C4orf17: variants seen among roughly 807,000 people sequenced by gnomAD.
C4orf17 encodes the protein chromosome 4 open reading frame 17.
Under a neutral mutation model 32.0 loss-of-function variants are expected in C4orf17, and 25 were observed. That is an observed-to-expected ratio of 0.78 (90% CI 0.57 to 1.09). The LOEUF (loss-of-function observed/expected upper bound fraction) is 1.09, where lower values mean the gene tolerates loss of function less well. Ranked by LOEUF, C4orf17 falls within the 50% of genes least tolerant of loss-of-function variation. C4orf17 has a pLI of 0.00. For synonymous variants in C4orf17, 149 were observed against 145.8 expected, an observed-to-expected ratio of 1.02 and a Z score of -0.16; for missense variants, 420 against 420.0, an observed-to-expected ratio of 1.00 and a Z score of 0.00.
chr4:99,517,530 C>A (rs986401489), intron 2 of C4orf17, among the ~76,000 whole-genome samples: 1 of 151,830 alleles, frequency 6.6e-6, no homozygotes, highest in Non-Finnish European at 1.5e-5. Flanking sequence ...GCTAACCACC[C>A]CTCCCTTCCT....
chr4:99,524,128 C>T (rs971670855), intron 3 of C4orf17, among the ~76,000 whole-genome samples: 38 of 151,742 alleles, frequency 2.5e-4, no homozygotes, highest in African/African-American at 6.3e-4. Context: ...TACAGGCGCC[C>T]GCCACCACGC....
At chr4:99,528,803 A>G (rs918756786) in intron 4 of C4orf17, among the ~76,000 whole-genome samples, 1 of 152,184 alleles carries the variant, frequency 6.6e-6, no homozygotes, top group Non-Finnish European at 1.5e-5. Flanking sequence ...ACCTGACCCC[A>G]TGATTCAATT....
intron 4 of C4orf17, among the ~76,000 whole-genome samples, chr4:99,526,651 C>CTTTTTTTTTTT (rs145120945): frequency 3.6e-5 from 5 of 137,598 alleles, no homozygotes; most frequent in African/African-American, 5.2e-5. Context: ...CTTTTCTTTT[C>CTTTTTTTTTTT]TTTTTTTTTT....
chr4:99,525,329 T>C (rs1723368910), intron 4 of C4orf17, among the ~76,000 whole-genome samples: 2 of 152,232 alleles, frequency 1.3e-5, no homozygotes, highest in African/African-American at 2.4e-5. Context: ...TTCCCCAAGC[T>C]TAGAATGGTC....
At chr4:99,537,883 G>T (rs1723587446) in intron 6 of C4orf17, 133 bp downstream of exon 6, 1 of 696,120 alleles carries the variant, frequency 1.4e-6, no homozygotes, top group Admixed American at 2.1e-5. Context: ...CAATGTTTCA[G>T]TATCAGGGTG....
chr4:99,520,158 C>T (rs370230661), intron 2 of C4orf17, among the ~76,000 whole-genome samples: 5 of 148,970 alleles, frequency 3.4e-5, no homozygotes, highest in Admixed American at 6.8e-5. Flanking sequence ...GGTGCTATCT[C>T]GGCTCACTGC....
rs1723160443 is a variant in C4orf17, at chr4:99,515,234, G to A, written c.127+2026G>A. On this transcript the variant is annotated intron_variant, in intron 2 of 8. Transcript: ENST00000326581. ...CAGTAATAAATCATTCTGTTATAAA[G>A]ACACCTGCACCTGTATGTTCACTGC... Among the ~76,000 whole-genome samples, 2 of 152,112 alleles carry A rather than the reference G, an allele frequency of 1.3e-5. 1 individual carries two copies. Among genetic ancestry groups the A allele is most frequent in the South Asian group, 4.1e-4 (2 of 4,822 alleles).
rs926911993 is a variant in C4orf17 at position 99,523,845 on chromosome 4, G to T, written c.338-676G>T. Among the ~76,000 whole-genome samples the T allele has an allele frequency of 2.0e-5, 3 of 151,730 alleles. No homozygotes were observed. In the East Asian group the frequency reaches 5.8e-4, roughly 29 times the overall value. On this transcript the variant is annotated intron_variant, in intron 3 of 8. Coordinates refer to ENST00000326581, the MANE Select transcript of C4orf17 (RefSeq NM_032149.3). ...TAAAAGAAGAAAGAAAATAAAGAAT[G>T]TAATTGTAATTCAGCACAAACCATC...
intron 2 of C4orf17, among the ~76,000 whole-genome samples, chr4:99,518,594 C>CAGAG (rs1164017714): frequency 7.3e-5 from 5 of 68,662 alleles, no homozygotes; most frequent in South Asian, 5.7e-4. Context: ...GGGAGGGAGA[C>CAGAG]AGAGAGAGAG....
chr4:99,513,776 C>T (rs1012153609), intron 2 of C4orf17, among the ~76,000 whole-genome samples: 2 of 151,868 alleles, frequency 1.3e-5, no homozygotes, highest in Admixed American at 6.6e-5. Context: ...ACAGCATTTC[C>T]CTTTTGAGAG....
chr4:99,524,232 T>C (rs559100543), intron 3 of C4orf17, among the ~76,000 whole-genome samples: 139 of 152,188 alleles, frequency 9.1e-4, no homozygotes, highest in Admixed American at 1.8e-3. Flanking sequence ...CCGCCCGCCT[T>C]GGCCTCCCTA....
chr4:99,520,384 C>T (rs545705489), intron 2 of C4orf17, among the ~76,000 whole-genome samples: 1 of 152,098 alleles, frequency 6.6e-6, no homozygotes, highest in Non-Finnish European at 1.5e-5. Flanking sequence ...CGTGAGCCAC[C>T]GCAACCAGCC....
At position 99,524,566 on chromosome 4, in the gene C4orf17, A is replaced by T. The variant is rs1723355067; in HGVS notation, c.383A>T (p.Asn128Ile). 1.9e-6 allele frequency: 3 copies of T among 1,602,054 alleles called. No homozygotes were observed. The highest frequency in any genetic ancestry group is 2.6e-6 in the Non-Finnish European group (3 of 1,170,684). The change falls in exon 4 of 9, where the codon AAT becomes ATT. Residue 128 changes from asparagine to isoleucine, a missense_variant. Asn to Ile is a moderately radical substitution (Grantham distance 149). Coordinates refer to ENST00000326581, the MANE Select transcript of C4orf17 (RefSeq NM_032149.3). ...GAGTGCTTCAAAACTTCCAGTGAGA[A>T]TCCCTTAGTAATTAAAAAGGTAAGG... ...IKECFKTSSE[N>I]PLVIKKEEIK...
At chr4:99,525,879 T>C (rs1723379826) in intron 4 of C4orf17, among the ~76,000 whole-genome samples, 1 of 152,228 alleles carries the variant, frequency 6.6e-6, no homozygotes, top group Non-Finnish European at 1.5e-5. Context: ...TCTTTTGTTA[T>C]GCATGTTTTT....
chr4:99,533,576 T>C (rs1267427093), intron 5 of C4orf17, among the ~76,000 whole-genome samples: 1 of 152,152 alleles, frequency 6.6e-6, no homozygotes, highest in Non-Finnish European at 1.5e-5. Flanking sequence ...CATTTGAGGA[T>C]GCTGAGGTGG....
chr4:99,520,554 C>T (rs1723268880), intron 2 of C4orf17, among the ~76,000 whole-genome samples: 1 of 152,102 alleles, frequency 6.6e-6, no homozygotes, highest in South Asian at 2.1e-4. Context: ...TTATCATATA[C>T]TATAAAACTA....
intron 4 of C4orf17, 92 bp from the exon 5 acceptor site, chr4:99,529,723 G>A: frequency 9.6e-7 from 1 of 1,037,446 alleles, no homozygotes; most frequent in Middle Eastern, 2.2e-4. Context: ...CTCTTATTAG[G>A]CACAATATTT....
intron 4 of C4orf17, among the ~76,000 whole-genome samples, chr4:99,529,433 C>G (rs1229521822): frequency 6.6e-6 from 1 of 152,188 alleles, no homozygotes; most frequent in Non-Finnish European, 1.5e-5. Flanking sequence ...AGTTGCTTCA[C>G]AGACAAAGCA....
chr4:99,529,511 T>A (rs1413497748), intron 4 of C4orf17, among the ~76,000 whole-genome samples: 8 of 152,186 alleles, frequency 5.3e-5, no homozygotes, highest in Non-Finnish European at 1.5e-5. Context: ...GCAAATCTCA[T>A]GTGTCATGAG....
Sources: allele counts gnomAD v4.1 joint callset (sites outside exome capture counted in the v4.1 genomes callset), GRCh38; gene constraint gnomAD v4.1.1; transcripts MANE v1.5; gene names NCBI Gene and HGNC (gene_info 2026-07-23, HGNC 2026-07-21).